Variants in ROBO1 observed in about 807,000 individuals in gnomAD.
ROBO1 encodes the protein roundabout homolog 1.
Under a neutral mutation model 195.9 loss-of-function variants are expected in ROBO1, and 149 were observed. The observed-to-expected ratio is 0.76, with a 90% CI of 0.67 to 0.87. The LOEUF (loss-of-function observed/expected upper bound fraction) is 0.87. Among genes scored for constraint, ROBO1 ranks in the 40% least tolerant of loss-of-function variants. The probability of loss-of-function intolerance (pLI) is 0.00; values close to 1 mark genes in which losing one functional copy is unlikely to be tolerated. For synonymous variants in ROBO1, 816 were observed against 733.2 expected (o/e 1.11, Z -1.82); for missense variants, 1,933 against 2,068.3 (o/e 0.93, Z 1.27).
chr3:78,680,125 T>C (rs1238089455), intron 10 of ROBO1, among the ~76,000 whole-genome samples: 8 of 152,082 alleles, frequency 5.3e-5, no homozygotes, highest in East Asian at 1.9e-4. Context: ...AACTGGCTAG[T>C]CATATGTAGA....
At chr3:79,031,529 A>G (rs2078295646) in intron 3 of ROBO1, among the ~76,000 whole-genome samples, 1 of 152,222 alleles carries the variant, frequency 6.6e-6, no homozygotes, top group African/African-American at 2.4e-5. Context: ...AGTGGGTAAG[A>G]ATACAAATGT....
intron 4 of ROBO1, among the ~76,000 whole-genome samples, chr3:78,889,756 A>G (rs1323178098): frequency 2.0e-5 from 3 of 152,198 alleles, no homozygotes; most frequent in African/African-American, 4.8e-5. Context: ...TCAGTAAAAA[A>G]GGATATATTT....
intron 4 of ROBO1, among the ~76,000 whole-genome samples, chr3:78,840,179 G>T (rs2033082768): frequency 6.6e-6 from 1 of 152,134 alleles, no homozygotes; most frequent in South Asian, 2.1e-4. Flanking sequence ...AAAATGAATG[G>T]ATTAGATGTT....
intron 2 of ROBO1, among the ~76,000 whole-genome samples, chr3:79,367,242 C>T (rs1046559199): frequency 2.0e-5 from 3 of 151,994 alleles, no homozygotes; most frequent in Non-Finnish European, 2.9e-5. Flanking sequence ...TCCTTGGTCT[C>T]TATCAGAAGG....
intron 2 of ROBO1, among the ~76,000 whole-genome samples, chr3:79,285,761 A>G (rs2031848651): frequency 6.6e-6 from 1 of 152,220 alleles, no homozygotes; most frequent in Admixed American, 6.5e-5. Flanking sequence ...AAGGCCTAGA[A>G]TTCCAAGAAA....
In ROBO1 at chr3:78,938,745, G is replaced by A. The variant is rs1017845770; in HGVS notation, c.355C>T (p.Arg119Ter). 1.9e-6 allele frequency: 3 copies of A among 1,613,794 alleles called. No homozygotes were observed. The highest frequency in any genetic ancestry group is 1.1e-5 in the South Asian group (1 of 91,080). Residue 119 changes from arginine to a stop codon, truncating the protein, a stop_gained, in exon 4 of 31, where the codon CGA (arginine) becomes TGA (stop). Transcript: ENST00000464233. LOFTEE classifies it high-confidence loss of function. ...AAAGATCCACTCGGCAGCAACATTC[G>A]GTGTGAGCGAGGGTCATCTTTGTCT... ...ETDKDDPRSH[R>*]MLLPSGSLFF...
chr3:78,869,343 A>G (rs557258439), intron 4 of ROBO1, among the ~76,000 whole-genome samples: 2 of 152,300 alleles, frequency 1.3e-5, no homozygotes, highest in African/African-American at 4.8e-5. Flanking sequence ...TTTGCTTTCT[A>G]CCCACAAACA....
At chr3:78,675,348 C>G (rs978563389) in intron 10 of ROBO1, among the ~76,000 whole-genome samples, 1 of 152,078 alleles carries the variant, frequency 6.6e-6, no homozygotes, top group Non-Finnish European at 1.5e-5. Context: ...AGTTCGCGAG[C>G]CGAAGCAGGG....
rs773005545 is a variant in ROBO1 at position 79,056,434 on chromosome 3, G to A, written c.172+69022C>T. Among the ~76,000 whole-genome samples the A allele has an allele frequency of 5.3e-5, 8 of 152,126 alleles. No homozygotes were observed. In the South Asian group the frequency reaches 6.2e-4, roughly 12 times the overall value. On this transcript the variant is annotated intron_variant, in intron 3 of 30. Transcript: ENST00000464233. Reference sequence around the variant, plus strand: ...TGTTACAGAGGCTGGATTACACATCGCTCAGGAGACCACATTCAACAGACC... The same window carrying A: ...TGTTACAGAGGCTGGATTACACATCACTCAGGAGACCACATTCAACAGACC...
chr3:79,694,274 T>A (rs1023187447), intron 1 of ROBO1, among the ~76,000 whole-genome samples: 1 of 151,022 alleles, frequency 6.6e-6, no homozygotes, highest in Admixed American at 6.7e-5. Flanking sequence ...TTCATTTTTG[T>A]CTTACAAATA....
intron 2 of ROBO1, among the ~76,000 whole-genome samples, chr3:79,377,346 C>T (rs1314384710): frequency 1.3e-5 from 2 of 152,124 alleles, no homozygotes; most frequent in Non-Finnish European, 2.9e-5. Context: ...AATTTCTTGA[C>T]AGAATATTAC....
At chr3:79,029,787 C>T (rs1453938574) in intron 3 of ROBO1, among the ~76,000 whole-genome samples, 1 of 152,174 alleles carries the variant, frequency 6.6e-6, no homozygotes, top group East Asian at 1.9e-4. Flanking sequence ...CCATTTTCAG[C>T]CTTTCTTTAC....
chr3:79,538,940 G>T (rs571391488), intron 2 of ROBO1, among the ~76,000 whole-genome samples: 45 of 152,062 alleles, frequency 3.0e-4, no homozygotes, highest in Non-Finnish European at 5.1e-4. Context: ...TTGAATTTCC[G>T]TGCATAGCAA....
At chr3:78,859,428 A>G (rs934172228) in intron 4 of ROBO1, among the ~76,000 whole-genome samples, 4 of 152,164 alleles carry the variant, frequency 2.6e-5, no homozygotes, top group African/African-American at 7.2e-5. Flanking sequence ...GGCACTCAAA[A>G]AGTTTCATAT....
chr3:78,945,563 C>T (rs551471975), intron 3 of ROBO1, among the ~76,000 whole-genome samples: 20 of 152,008 alleles, frequency 1.3e-4, no homozygotes, highest in Admixed American at 4.6e-4. Context: ...ACCACAAAGA[C>T]GGGAAAAAAA....
At chr3:79,728,131 T>C (rs1467128671) in intron 1 of ROBO1, among the ~76,000 whole-genome samples, 1 of 2,802 alleles carries the variant, frequency 3.6e-4, no homozygotes, top group Non-Finnish European at 7.7e-4. Flanking sequence ...TATATTTAGA[T>C]ATATCCCCCC....
At chr3:79,328,776 C>G (rs1309054367) in intron 2 of ROBO1, among the ~76,000 whole-genome samples, 1 of 151,914 alleles carries the variant, frequency 6.6e-6, no homozygotes. Context: ...CTCACCCTCT[C>G]CCACCTTTCC....
chr3:79,308,272 A>T (rs2033315350), intron 2 of ROBO1, among the ~76,000 whole-genome samples: 1 of 152,180 alleles, frequency 6.6e-6, no homozygotes, highest in Non-Finnish European at 1.5e-5. Flanking sequence ...TCCAAGCATA[A>T]ATAAAAGCTA....
intron 3 of ROBO1, among the ~76,000 whole-genome samples, chr3:79,093,192 A>G (rs1481692979): frequency 6.6e-6 from 1 of 152,246 alleles, no homozygotes; most frequent in Non-Finnish European, 1.5e-5. Context: ...AATATGGGGT[A>G]ACACCAGGTT....
Sources: allele counts gnomAD v4.1 joint callset (sites outside exome capture counted in the v4.1 genomes callset), GRCh38; gene constraint gnomAD v4.1.1; transcripts MANE v1.5; gene names NCBI Gene and HGNC (gene_info 2026-07-23, HGNC 2026-07-21).